Variants in ORC5 observed in about 807,000 individuals in gnomAD.
The protein encoded by ORC5 is protein phosphatase 1, regulatory subunit 117.
A neutral mutation model predicts 58.8 loss-of-function variants in ORC5; 39 were observed. That is an observed-to-expected ratio of 0.66 (90% CI 0.51 to 0.87). The LOEUF is 0.87. ORC5 is among the 40% of genes least tolerant of loss of function. The probability of loss-of-function intolerance (pLI) is 0.00; values close to 1 mark genes in which losing one functional copy is unlikely to be tolerated. For synonymous variants in ORC5, 218 were observed against 177.6 expected (o/e 1.23, Z -1.81); for missense variants, 493 against 506.3 (o/e 0.97, Z 0.25).
intron 12 of ORC5, among the ~76,000 whole-genome samples, chr7:104,143,286 T>C (rs151295887): frequency 1.3e-5 from 2 of 152,314 alleles, no homozygotes; most frequent in East Asian, 3.9e-4. Context: ...TTAATCGAAA[T>C]TGTATGCTAA....
chr7:104,145,097 T>C (rs1562805927), intron 12 of ORC5, among the ~76,000 whole-genome samples: 1 of 152,124 alleles, frequency 6.6e-6, no homozygotes, highest in Non-Finnish European at 1.5e-5. Flanking sequence ...GGACAGTAAA[T>C]ATTGCTGAAA....
At chr7:104,158,537 GCAACCTACAAAATGGGAGAAAATTTTCA>G (rs953854280) in intron 12 of ORC5, among the ~76,000 whole-genome samples, 1 of 151,616 alleles carries the variant, frequency 6.6e-6, no homozygotes, top group Non-Finnish European at 1.5e-5. Context: ...GAGTGAACAG[GCAACCTACAAAATGGGAGAAAATTTTCA>G]CAACCTACTC....
At chr7:104,181,266 A>G (rs890198652) in intron 8 of ORC5, among the ~76,000 whole-genome samples, 1 of 152,174 alleles carries the variant, frequency 6.6e-6, no homozygotes, top group African/African-American at 2.4e-5. Flanking sequence ...TGGAACTGCT[A>G]ATTAGCAATT....
At chr7:104,168,373 C>T (rs1051915279) in intron 9 of ORC5, 100 bp downstream of exon 9, 4 of 1,512,372 alleles carry the variant, frequency 2.6e-6, no homozygotes, top group Non-Finnish European at 3.6e-6. Flanking sequence ...TCTTTTATAA[C>T]ACTATTTCCT....
At chr7:104,174,501 C>G (rs1799281039) in intron 8 of ORC5, among the ~76,000 whole-genome samples, 1 of 152,172 alleles carries the variant, frequency 6.6e-6, no homozygotes, top group Admixed American at 6.5e-5. Context: ...TATTTTTTAA[C>G]TGATGGGCAA....
At chr7:104,203,637 A>G (rs1320422648) in intron 2 of ORC5, among the ~76,000 whole-genome samples, 2 of 152,242 alleles carry the variant, frequency 1.3e-5, no homozygotes, top group East Asian at 3.8e-4. Context: ...AAAAAGGAAC[A>G]TGAGTCTGCC....
rs1348824431 is a variant in ORC5, at chr7:104,168,460, CTT to C, written c.877+11_877+12del. 1.9e-6 allele frequency: 3 copies of C among 1,608,628 alleles called. No homozygotes were observed. The highest frequency in any genetic ancestry group is 2.5e-6 in the Non-Finnish European group (3 of 1,177,934). ...AGTATCTCCGGTAACTGTCTCAATA[CTT>C]CCTCTGATACCTTTCAGTTGCCCCG... On this transcript the variant is annotated intron_variant, in intron 9 of 13. Transcript: ENST00000297431.
Position 104,188,336 on chromosome 7 carries a change from G to T in ORC5, c.599C>A (p.Ser200Ter). 1 of 1,610,984 alleles carries T rather than the reference G, an allele frequency of 6.2e-7. No homozygotes were observed. The highest frequency in any genetic ancestry group is 8.5e-7 in the Non-Finnish European group (1 of 1,177,488). The part of the protein sequence containing the change: ...ILSHDHPPEY[S>*]ADFYAAYINI... Reference sequence around the variant, plus strand: ...AATGTAGGCAGCATAGAAATCAGCTGAATACTCTGGAGGATGATCATGGGA... The same window carrying T: ...AATGTAGGCAGCATAGAAATCAGCTTAATACTCTGGAGGATGATCATGGGA... The change falls in exon 6 of 14, where the codon TCA (serine) becomes TAA (stop). Residue 200 changes from serine to a stop codon, truncating the protein, a stop_gained. Transcript: ENST00000297431. LOFTEE classifies it high-confidence loss of function.
intron 4 of ORC5, among the ~76,000 whole-genome samples, chr7:104,197,500 T>C (rs1435643989): frequency 1.3e-5 from 2 of 152,172 alleles, no homozygotes; most frequent in Non-Finnish European, 2.9e-5. Context: ...AAGCAGTGAC[T>C]TCATAATTAC....
chr7:104,185,742 T>C (rs948479538), intron 6 of ORC5, among the ~76,000 whole-genome samples: 25 of 152,232 alleles, frequency 1.6e-4, no homozygotes, highest in African/African-American at 5.3e-4. Context: ...GGAATTCTAC[T>C]GAACAGCAGT....
intron 3 of ORC5, among the ~76,000 whole-genome samples, chr7:104,198,839 G>C (rs1799862628): frequency 1.3e-5 from 2 of 152,250 alleles, no homozygotes; most frequent in African/African-American, 2.4e-5. Context: ...AGGCCTAAGA[G>C]GGAAAAATGG....
intron 8 of ORC5, among the ~76,000 whole-genome samples, chr7:104,170,278 T>C (rs56363226): frequency 0.13 from 20,010 of 152,242 alleles, 1,583 homozygotes; most frequent in Non-Finnish European, 0.19. Context: ...ATAATGGCTC[T>C]GCCTCCAAAG....
chr7:104,171,891 G>C (rs936048616), intron 8 of ORC5, among the ~76,000 whole-genome samples: 26 of 152,046 alleles, frequency 1.7e-4, no homozygotes, highest in Non-Finnish European at 1.0e-4. Context: ...ATGTCACTTT[G>C]ATTCTCCAGT....
Position 104,133,969 on chromosome 7 carries a change from G to A in ORC5, c.1262+2812C>T, listed in dbSNP as rs1407147587. ...GGTAGAAGAATCTACCTTAGGAAGAGGAACCCCATCCTGCTGAAAAAGGAA... is the reference window on the plus strand; with the variant it reads ...GGTAGAAGAATCTACCTTAGGAAGAAGAACCCCATCCTGCTGAAAAAGGAA... On this transcript the variant is annotated intron_variant, in intron 13 of 13. Transcript: ENST00000297431. This position sits in a 1 kb window ranked among gnomAD's most constrained non-coding sequence, Gnocchi z 4.7. 2.6e-5 allele frequency among the ~76,000 whole-genome samples: 4 copies of A among 152,204 alleles called. No homozygotes were observed. Among genetic ancestry groups the A allele is most frequent in the East Asian group, 3.9e-4 (2 of 5,182 alleles).
At chr7:104,137,556 T>C (rs1798610087) in intron 12 of ORC5, among the ~76,000 whole-genome samples, 1 of 151,984 alleles carries the variant, frequency 6.6e-6, no homozygotes, top group Admixed American at 6.6e-5. Flanking sequence ...CCCCATCCTG[T>C]GCCTATAAAA....
rs1001689210 is a variant in ORC5 at position 104,138,806 on chromosome 7, C to T, written c.1150-1913G>A. On this transcript the variant is annotated intron_variant, in intron 12 of 13. Coordinates refer to ENST00000297431, the MANE Select transcript of ORC5 (RefSeq NM_002553.4). This position sits in a 1 kb window ranked among gnomAD's most constrained non-coding sequence, Gnocchi z 4.7. The stretch of plus-strand genomic sequence containing the variant: ...GATTAGAGGCGTGAGCCCCCGCACC[C>T]AACCATTGCTTTAAAACTTATTGCT... 6.6e-6 allele frequency among the ~76,000 whole-genome samples: 1 copy of T among 152,218 alleles called. No individual in the cohort carries two copies. The highest frequency in any genetic ancestry group is 2.4e-5 in the African/African-American group (1 of 41,458).
Position 104,133,543 on chromosome 7 carries a change from T to C in ORC5, c.1262+3238A>G, listed in dbSNP as rs1798544956. Reference sequence around the variant, plus strand: ...CAGAGGTTAGAATTCCTAAGTTCAGTTTTGGAAATGTATTAATATAGCTGG... The same window carrying C: ...CAGAGGTTAGAATTCCTAAGTTCAGCTTTGGAAATGTATTAATATAGCTGG... On this transcript the variant is annotated intron_variant, in intron 13 of 13. Coordinates refer to ENST00000297431, the MANE Select transcript of ORC5 (RefSeq NM_002553.4). The surrounding 1 kb of genome is among the most constrained non-coding windows in gnomAD (Gnocchi z 4.7). Among the ~76,000 whole-genome samples, 1 of 152,054 alleles carries C rather than the reference T, an allele frequency of 6.6e-6. No individual in the cohort carries two copies. Among genetic ancestry groups the C allele is most frequent in the African/African-American group, 2.4e-5 (1 of 41,358 alleles).
intron 6 of ORC5, among the ~76,000 whole-genome samples, chr7:104,186,186 T>G (rs1350193785): frequency 6.6e-6 from 1 of 151,508 alleles, no homozygotes; most frequent in South Asian, 2.1e-4. Flanking sequence ...AGGTTTGAAC[T>G]GTGAGGGTCC....
intron 9 of ORC5, among the ~76,000 whole-genome samples, 180 bp from the exon 10 acceptor site, chr7:104,167,064 CA>C (rs139016396): frequency 0.028 from 4,318 of 152,204 alleles, 184 homozygotes; most frequent in African/African-American, 0.099. Flanking sequence ...TTATTAATGA[CA>C]GGCTTTACTC....
Sources: allele counts gnomAD v4.1 joint callset (sites outside exome capture counted in the v4.1 genomes callset), GRCh38; gene constraint gnomAD v4.1.1; non-coding constraint Gnocchi (gnomAD v3.1); transcripts MANE v1.5; gene names NCBI Gene and HGNC (gene_info 2026-07-23, HGNC 2026-07-21).